Variants in OR2F1 observed in about 807,000 individuals in gnomAD.
OR2F1 encodes the protein olfactory receptor 2F1.
For missense variants in OR2F1, 389 were observed against 378.2 expected (o/e 1.03, Z -0.24); for synonymous variants, 146 against 155.3 (o/e 0.94, Z 0.44).
chr7:143,963,995 A>G lies in OR2F1; in HGVS notation c.*3071A>G, dbSNP rs2050350847. On this transcript the variant is annotated 3_prime_UTR_variant, in exon 3 of 3. Coordinates refer to ENST00000641412, the MANE Select transcript of OR2F1 (RefSeq NM_012369.3). ...TTCAATCCAATCAAGTTGATGGTCA[A>G]TATTAACCATCATATATTCCATCTA... 1 of 152,194 alleles carries G rather than the reference A, an allele frequency of 6.6e-6. No individual in the cohort carries two copies. Among genetic ancestry groups the G allele is most frequent in the Admixed American group, 6.5e-5 (1 of 15,280 alleles). 9.4% of individuals were successfully genotyped at this position (152,194 alleles called of 1,614,324 possible).
chr7:143,960,570 G>A lies in OR2F1; in HGVS notation c.600G>A (p.Met200Ile), dbSNP rs2050319661. ...VDTSSNEVTI[M>I]VSSIVLLMTP... ...CCTCCTCCAATGAGGTCACCATCATGGTGTCTAGCATTGTTCTTCTGATGA... is the reference window on the plus strand; with the variant it reads ...CCTCCTCCAATGAGGTCACCATCATAGTGTCTAGCATTGTTCTTCTGATGA... Residue 200 changes from methionine (M) to isoleucine (I), a missense_variant, in exon 3 of 3, where the codon ATG (methionine) becomes ATA (isoleucine). Coordinates refer to ENST00000641412, the MANE Select transcript of OR2F1 (RefSeq NM_012369.3). The A allele has an allele frequency of 6.2e-7, 1 of 1,614,008 alleles. No homozygotes were observed. Among genetic ancestry groups the A allele is most frequent in the African/African-American group, 1.3e-5 (1 of 74,900 alleles).
rs1452800912 is a variant in OR2F1 at position 143,960,393 on chromosome 7, T to G, written c.423T>G (p.Cys141Trp). 6.2e-7 allele frequency: 1 copy of G among 1,614,184 alleles called. No individual in the cohort carries two copies. Among genetic ancestry groups the G allele is most frequent in the Admixed American group, 1.7e-5 (1 of 60,016 alleles). Residue 141 changes from cysteine to tryptophan, a missense_variant, in exon 3 of 3, where the codon TGT (cysteine) becomes TGG (tryptophan). Physicochemically the swap from Cys to Trp is radical, Grantham distance 215. Coordinates refer to ENST00000641412, the MANE Select transcript of OR2F1 (RefSeq NM_012369.3). Reference protein sequence around the residue: ...RYSAIMHGGLCARLAITSWVS... With the variant: ...RYSAIMHGGLWARLAITSWVS... ...CGGCCATCATGCATGGAGGGCTGTG[T>G]GCTAGGTTGGCCATCACATCCTGGG...
In OR2F1 at chr7:143,961,192, A is replaced by G. The variant is rs1038578983; in HGVS notation, c.*268A>G. The G allele has an allele frequency of 2.4e-6, 1 of 408,884 alleles. No homozygotes were observed. The highest frequency in any genetic ancestry group is 2.0e-5 in the African/African-American group (1 of 50,190). The allele number at this position is 408,884 out of a possible 1,614,324, so 25.3% of individuals were successfully genotyped here. Reference sequence around the variant, plus strand: ...CTTACAGCCTGACAATCGTTGAAAAAAAATTACTACTTACTGTTTTGATTT... The same window carrying G: ...CTTACAGCCTGACAATCGTTGAAAAGAAATTACTACTTACTGTTTTGATTT... On this transcript the variant is annotated 3_prime_UTR_variant, in exon 3 of 3. Coordinates refer to ENST00000641412, the MANE Select transcript of OR2F1 (RefSeq NM_012369.3).
In OR2F1 at chr7:143,960,011, T is replaced by C. The variant is rs144812428; in HGVS notation, c.41T>C (p.Leu14Pro). The change falls in exon 3 of 3, where the codon CTC (leucine) becomes CCC (proline). Residue 14 changes from leucine (L) to proline (P), a missense_variant. Leu to Pro is a moderately conservative substitution (Grantham distance 98). Coordinates refer to ENST00000641412, the MANE Select transcript of OR2F1 (RefSeq NM_012369.3). ...CAGACTTGGGTGAGTGAATTTATTCTCCTCGGCCTGTCCAGTGACTGGGAC... is the reference window on the plus strand; with the variant it reads ...CAGACTTGGGTGAGTGAATTTATTCCCCTCGGCCTGTCCAGTGACTGGGAC... ...DNQTWVSEFI[L>P]LGLSSDWDTR... 622 of 1,613,438 alleles carry C rather than the reference T, an allele frequency of 3.9e-4. 3 individuals are homozygous for C. In the Middle Eastern group the frequency reaches 5.0e-3, roughly 13 times the overall value.
Position 143,960,369 on chromosome 7 carries a change from G to A in OR2F1, c.399G>A (p.Ser133=), listed in dbSNP as rs377299777. 44 of 1,613,952 alleles carry A rather than the reference G, an allele frequency of 2.7e-5. No individual in the cohort carries two copies. Among genetic ancestry groups the A allele is most frequent in the African/African-American group, 2.7e-5 (2 of 74,874 alleles). ...CTGTGTGTGATGCCCTGCGATACTC[G>A]GCCATCATGCATGGAGGGCTGTGTG... The part of the protein sequence containing the change: ...YVAVCDALRY[S]AIMHGGLCAR... Residue 133 remains serine (S), a synonymous_variant, in exon 3 of 3, where the codon TCG becomes TCA. Transcript: ENST00000641412.
chr7:143,959,967 T>C lies in OR2F1; in HGVS notation c.-4T>C, dbSNP rs1391203604. ...TCACAGATTAATAATCCTTGAATAT[T>C]TTAATGGGAACAGATAACCAGACTT... is the stretch of plus-strand genomic sequence containing the variant. On this transcript the variant is annotated 5_prime_UTR_variant, in exon 3 of 3. Coordinates refer to ENST00000641412, the MANE Select transcript of OR2F1 (RefSeq NM_012369.3). 3.2e-6 allele frequency: 5 copies of C among 1,583,222 alleles called. No homozygotes were observed. The South Asian group carries it at 5.8e-5, about 18-fold the overall frequency.
At chr7:143,959,684 G>A (rs2050309457) in intron 2 of OR2F1, among the ~76,000 whole-genome samples, 1 of 152,226 alleles carries the variant, frequency 6.6e-6, no homozygotes, top group South Asian at 2.1e-4. Flanking sequence ...GTAAGTTGGT[G>A]AAGATGTAGA....
At position 143,960,625 on chromosome 7, in the gene OR2F1, A is replaced by T. The variant is rs769329981; in HGVS notation, c.655A>T (p.Ile219Phe). 3.7e-6 allele frequency: 6 copies of T among 1,613,944 alleles called. No individual in the cohort carries two copies. Among genetic ancestry groups the T allele is most frequent in the Non-Finnish European group, 5.1e-6 (6 of 1,180,042 alleles). The change falls in exon 3 of 3, where the codon ATC becomes TTC. Residue 219 changes from isoleucine to phenylalanine, a missense_variant. Physicochemically the swap from Ile to Phe is conservative, Grantham distance 21. Transcript: ENST00000641412. ...TPFCLVLLSYIQIISTILKIQ... is the reference protein window; with the variant it reads ...TPFCLVLLSYFQIISTILKIQ... ...CTTCTGCCTGGTTCTTTTGTCCTAC[A>T]TCCAGATCATCTCCACCATCCTAAA...
rs1007177012 is a variant in OR2F1, at chr7:143,954,943, G to T, written c.-340G>T. 1 of 151,982 alleles carries T rather than the reference G, an allele frequency of 6.6e-6. No homozygotes were observed. Among genetic ancestry groups the T allele is most frequent in the Non-Finnish European group, 1.5e-5 (1 of 67,952 alleles). The allele number at this position is 151,982 out of a possible 1,614,324, so 9.4% of individuals were successfully genotyped here. A position where few individuals can be genotyped will look rare whatever the true frequency, so the allele number is the denominator to read the frequency against. On this transcript the variant is annotated 5_prime_UTR_variant, in exon 1 of 3. Coordinates refer to ENST00000641412, the MANE Select transcript of OR2F1 (RefSeq NM_012369.3). Reference sequence around the variant, plus strand: ...TTAACTGTTAAATTAGAGTTTTTTTGTTATGTAAAATGAACTGTGTGAGGA... The same window carrying T: ...TTAACTGTTAAATTAGAGTTTTTTTTTTATGTAAAATGAACTGTGTGAGGA...
In OR2F1 at chr7:143,961,118, A is replaced by T; in HGVS notation, c.*194A>T. The T allele has an allele frequency of 1.8e-6, 1 of 552,426 alleles. No individual in the cohort carries two copies. The highest frequency in any genetic ancestry group is 2.9e-5 in the East Asian group (1 of 34,548). The allele number at this position is 552,426 out of a possible 1,614,324, so 34.2% of individuals were successfully genotyped here. On this transcript the variant is annotated 3_prime_UTR_variant, in exon 3 of 3. Transcript: ENST00000641412. ...GTGGGGTTATATTTATGAACAGTGG[A>T]GTTAGATACTGCTGTTATAAAACCT...
At chr7:143,959,504 T>A (rs1410681258) in intron 2 of OR2F1, among the ~76,000 whole-genome samples, 1 of 152,238 alleles carries the variant, frequency 6.6e-6, no homozygotes, top group Non-Finnish European at 1.5e-5. Context: ...CCTCCAGGCC[T>A]TGCTTCTTCC....
rs921681537 is a variant in OR2F1 at position 143,961,900 on chromosome 7, T to C, written c.*976T>C. The C allele has an allele frequency of 8.5e-5, 13 of 152,232 alleles. No homozygotes were observed. Among genetic ancestry groups the C allele is most frequent in the African/African-American group, 3.1e-4 (13 of 41,454 alleles). 9.4% of individuals were successfully genotyped at this position (152,232 alleles called of 1,614,324 possible). A position where few individuals can be genotyped will look rare whatever the true frequency, so the allele number is the denominator to read the frequency against. On this transcript the variant is annotated 3_prime_UTR_variant, in exon 3 of 3. Transcript: ENST00000641412. ...ACTATGCAAATGTTACCCTCAAGTC[T>C]TCACATTGAGAACTTCTCTTGCCAC...
At position 143,961,899 on chromosome 7, in the gene OR2F1, C is replaced by T. The variant is rs1250079282; in HGVS notation, c.*975C>T. Reference sequence around the variant, plus strand: ...AACTATGCAAATGTTACCCTCAAGTCTTCACATTGAGAACTTCTCTTGCCA... The same window carrying T: ...AACTATGCAAATGTTACCCTCAAGTTTTCACATTGAGAACTTCTCTTGCCA... On this transcript the variant is annotated 3_prime_UTR_variant, in exon 3 of 3. Coordinates refer to ENST00000641412, the MANE Select transcript of OR2F1 (RefSeq NM_012369.3). The T allele has an allele frequency of 6.6e-6, 1 of 152,220 alleles. No individual in the cohort carries two copies. Among genetic ancestry groups the T allele is most frequent in the Admixed American group, 6.5e-5 (1 of 15,288 alleles). The allele number at this position is 152,220 out of a possible 1,614,324, so 9.4% of individuals were successfully genotyped here.
intron 1 of OR2F1, among the ~76,000 whole-genome samples, chr7:143,955,730 G>A (rs564747808): frequency 1.6e-4 from 24 of 152,232 alleles, no homozygotes; most frequent in East Asian, 1.2e-3. Flanking sequence ...AGCAGGCAGC[G>A]TGAATTGGTT....
chr7:143,960,923 G>A lies in OR2F1; in HGVS notation c.953G>A (p.Ter318=). ...GGGTTAACATCAAAGCTGGCAACTTGACTCATGAGTATGACTTAGAGAAAA... is the reference window on the plus strand; with the variant it reads ...GGGTTAACATCAAAGCTGGCAACTTAACTCATGAGTATGACTTAGAGAAAA... ...FSGLTSKLAT[*] Residue 318 remains the stop codon, a stop_retained_variant, in exon 3 of 3, where the codon TGA becomes TAA. Coordinates refer to ENST00000641412, the MANE Select transcript of OR2F1 (RefSeq NM_012369.3). The A allele has an allele frequency of 6.2e-7, 1 of 1,600,946 alleles. No individual in the cohort carries two copies. The highest frequency in any genetic ancestry group is 1.1e-5 in the South Asian group (1 of 88,286).
At chr7:143,959,447 G>T (rs961204164) in intron 2 of OR2F1, among the ~76,000 whole-genome samples, 1 of 152,116 alleles carries the variant, frequency 6.6e-6, no homozygotes. Flanking sequence ...TCATGAATCT[G>T]CCTAATAAAA....
In OR2F1 at chr7:143,958,023, T is replaced by C. The variant is rs530147225; in HGVS notation, c.-179-930T>C. On this transcript the variant is annotated intron_variant, in intron 1 of 2. Transcript: ENST00000641412. ...TGTTGGGTGGCTGAGAGGAGCACAG[T>C]GAGTCATGGGCTTGCAGGGTCTCCA... Among the ~76,000 whole-genome samples, 4 of 152,202 alleles carry C rather than the reference T, an allele frequency of 2.6e-5. No homozygotes were observed. The South Asian group carries it at 8.3e-4, about 32-fold the overall frequency.
chr7:143,961,016 C>G lies in OR2F1; in HGVS notation c.*92C>G. On this transcript the variant is annotated 3_prime_UTR_variant, in exon 3 of 3. Transcript: ENST00000641412. ...GTGTAAACTACATTGCCCTGGCAAC[C>G]AGGAAGGAGATGACGTAGCATGTAC... The G allele has an allele frequency of 1.1e-6, 1 of 949,132 alleles. No homozygotes were observed. The highest frequency in any genetic ancestry group is 2.3e-4 in the Middle Eastern group (1 of 4,280). The allele number at this position is 949,132 out of a possible 1,614,324, so 58.8% of individuals were successfully genotyped here.
Position 143,960,734 on chromosome 7 carries a change from C to A in OR2F1, c.764C>A (p.Ala255Asp). The A allele has an allele frequency of 6.2e-7, 1 of 1,614,046 alleles. No individual in the cohort carries two copies. Among genetic ancestry groups the A allele is most frequent in the Non-Finnish European group, 8.5e-7 (1 of 1,179,994 alleles). ...LTVVALCYGVAIFTYIQPHSS... is the reference protein window; with the variant it reads ...LTVVALCYGVDIFTYIQPHSS... Reference sequence around the variant, plus strand: ...GTGGTTGCCCTGTGCTATGGTGTGGCCATTTTCACTTACATCCAGCCCCAC... The same window carrying A: ...GTGGTTGCCCTGTGCTATGGTGTGGACATTTTCACTTACATCCAGCCCCAC... Residue 255 changes from alanine to aspartate, a missense_variant, in exon 3 of 3, where the codon GCC becomes GAC. Transcript: ENST00000641412.
Sources: allele counts gnomAD v4.1 joint callset (sites outside exome capture counted in the v4.1 genomes callset), GRCh38; gene constraint gnomAD v4.1.1; transcripts MANE v1.5; gene names NCBI Gene and HGNC (gene_info 2026-07-23, HGNC 2026-07-21).